Variants in AKAP9 observed in about 807,000 individuals in gnomAD.
AKAP9 encodes A-kinase anchoring protein 9.
Under a neutral mutation model 488.5 loss-of-function variants are expected in AKAP9, and 311 were observed. That is an observed-to-expected ratio of 0.64 (90% confidence interval 0.58 to 0.70). AKAP9 has a LOEUF of 0.70. AKAP9 is among the 30% of genes least tolerant of loss of function. AKAP9 has a pLI of 0.00. For missense variants in AKAP9, 4,215 were observed against 4,374.5 expected, an observed-to-expected ratio of 0.96 and a Z score of 1.03; for synonymous variants, 1,462 against 1,483.5, an observed-to-expected ratio of 0.99 and a Z score of 0.33.
chr7:92,014,209 A>G (rs758404785), intron 9 of AKAP9, 40 bp from the exon 10 acceptor site: 1 of 1,330,324 alleles, frequency 7.5e-7, no homozygotes, highest in Non-Finnish European at 1.1e-6. Context: ...GTTCTTAAGT[A>G]TGTAAATTGA....
intron 1 of AKAP9, among the ~76,000 whole-genome samples, chr7:91,952,056 C>A (rs1481958078): frequency 6.6e-6 from 1 of 152,122 alleles, no homozygotes; most frequent in Non-Finnish European, 1.5e-5. Context: ...TCTTAAAACA[C>A]CCTTTTCATT....
intron 1 of AKAP9, among the ~76,000 whole-genome samples, chr7:91,958,781 A>G (rs1274848602): frequency 6.6e-6 from 1 of 152,126 alleles, no homozygotes; most frequent in Non-Finnish European, 1.5e-5. Context: ...GTAAAACGTT[A>G]CTTAAATCTT....
intron 40 of AKAP9, 109 bp downstream of exon 40, chr7:92,095,282 G>A (rs982222951): frequency 4.0e-6 from 5 of 1,262,336 alleles, no homozygotes; most frequent in Non-Finnish European, 5.7e-6. Flanking sequence ...AATAAGATAT[G>A]GTAAGTTGTT....
intron 40 of AKAP9, among the ~76,000 whole-genome samples, chr7:92,096,380 G>A (rs112060331): frequency 1.4e-5 from 2 of 140,944 alleles, no homozygotes; most frequent in Non-Finnish European, 3.0e-5. Flanking sequence ...TGTTGCTCAC[G>A]CTGGAGGGCA....
At position 92,085,617 on chromosome 7, in the gene AKAP9, A is replaced by G. The variant is rs1466761413; in HGVS notation, c.8955A>G (p.Lys2985=). ...QVSEPWLEER[K]AYINTISSLK... ...CAGAACCTTGGCTAGAAGAGAGAAAAGCTTACATCAATACAATCTCATCTC... is the reference window on the plus strand; with the variant it reads ...CAGAACCTTGGCTAGAAGAGAGAAAGGCTTACATCAATACAATCTCATCTC... The change falls in exon 36 of 50, where the codon AAA becomes AAG. Residue 2985 remains lysine, a synonymous_variant. Transcript: ENST00000356239. The G allele has an allele frequency of 6.2e-7, 1 of 1,613,878 alleles. No individual in the cohort carries two copies.
At chr7:92,022,692 T>C (rs1802488417) in intron 13 of AKAP9, 122 bp from the exon 14 acceptor site, 2 of 695,206 alleles carry the variant, frequency 2.9e-6, no homozygotes, top group Admixed American at 2.8e-5. Flanking sequence ...AAACCAGAGT[T>C]ATTACCACTA....
intron 12 of AKAP9, among the ~76,000 whole-genome samples, chr7:92,022,005 A>G (rs1802388757): frequency 1.3e-5 from 2 of 152,336 alleles, no homozygotes; most frequent in Non-Finnish European, 2.9e-5. Context: ...ACTTCCTTTC[A>G]GATATCAAAG....
At chr7:92,105,893 G>A (rs1220458807) in intron 47 of AKAP9, 130 bp downstream of exon 47, 8 of 806,688 alleles carry the variant, frequency 9.9e-6, no homozygotes, top group African/African-American at 3.4e-5. Flanking sequence ...GGTGAGCAGC[G>A]GGCATTACTG....
chr7:92,024,831 G>A (rs541824978), intron 14 of AKAP9, among the ~76,000 whole-genome samples: 6 of 152,196 alleles, frequency 3.9e-5, no homozygotes, highest in African/African-American at 1.4e-4. Flanking sequence ...CTGAATGTCT[G>A]CTTGTTTGGA....
At chr7:91,985,795 G>A (rs1006239203) in intron 3 of AKAP9, among the ~76,000 whole-genome samples, 6 of 152,012 alleles carry the variant, frequency 3.9e-5, no homozygotes, top group South Asian at 2.1e-4. Flanking sequence ...CTACAGGCGC[G>A]TGCCACCATA....
rs1167465422 is a variant in AKAP9 at position 92,017,065 on chromosome 7, A to G, written c.3800A>G (p.Tyr1267Cys). 3 of 1,592,110 alleles carry G rather than the reference A, an allele frequency of 1.9e-6. No homozygotes were observed. Among genetic ancestry groups the G allele is most frequent in the Non-Finnish European group, 2.6e-6 (3 of 1,164,470 alleles). The stretch of plus-strand genomic sequence containing the variant: ...CTTCTCAACAAAGTAACAGAAGAAT[A>G]CAACAAACTCTTGGTACTTCAAACA... ...HTLLNKVTEE[Y>C]NKLLVLQTRL... The change falls in exon 12 of 50, where the codon TAC (tyrosine) becomes TGC (cysteine). Residue 1267 changes from tyrosine to cysteine, a missense_variant. This residue lies in a region of AKAP9 where 2,361 missense variants were observed against 2,430.0 expected (regional missense o/e 0.97). Transcript: ENST00000356239.
intron 3 of AKAP9, among the ~76,000 whole-genome samples, chr7:91,987,960 T>C (rs1797305629): frequency 6.6e-6 from 1 of 152,044 alleles, no homozygotes; most frequent in Non-Finnish European, 1.5e-5. Flanking sequence ...TCACTGGAGC[T>C]CAGGAGTTCG....
chr7:91,959,589 A>T (rs1467025688), intron 1 of AKAP9, among the ~76,000 whole-genome samples: 1 of 152,192 alleles, frequency 6.6e-6, no homozygotes, highest in African/African-American at 2.4e-5. Flanking sequence ...TTTTTGAAAC[A>T]TTATTTTCCA....
Position 92,070,914 on chromosome 7 carries a change from C to G in AKAP9, c.6517C>G (p.Arg2173Gly), listed in dbSNP as rs773455040. The G allele has an allele frequency of 6.2e-7, 1 of 1,611,916 alleles. No homozygotes were observed. ...TTTTATATATTTAAAGGTAGAGGAC[C>G]GAAAACACTTTGGAGCTGTAGAAGC... ...SADTFQKVEDRKHFGAVEAKP... is the reference protein window; with the variant it reads ...SADTFQKVEDGKHFGAVEAKP... Residue 2173 changes from arginine to glycine, a missense_variant, in exon 28 of 50, where the codon CGA (arginine) becomes GGA (glycine). Physicochemically the swap from Arg to Gly is moderately radical, Grantham distance 125. This residue lies in a region of AKAP9 where 2,361 missense variants were observed against 2,430.0 expected (regional missense o/e 0.97). Coordinates refer to ENST00000356239, the MANE Select transcript of AKAP9 (RefSeq NM_005751.5).
At chr7:92,029,105 A>G (rs981390988) in intron 14 of AKAP9, among the ~76,000 whole-genome samples, 1 of 151,784 alleles carries the variant, frequency 6.6e-6, no homozygotes, top group African/African-American at 2.4e-5. Context: ...AGAAATGAAA[A>G]TTATAATTTG....
intron 17 of AKAP9, among the ~76,000 whole-genome samples, chr7:92,040,446 G>C (rs1168891982): frequency 6.6e-6 from 1 of 151,864 alleles, no homozygotes; most frequent in African/African-American, 2.4e-5. Flanking sequence ...ATAAATAGCT[G>C]TTTTGCTTTT....
At chr7:91,951,311 AT>A (rs1277211240) in intron 1 of AKAP9, among the ~76,000 whole-genome samples, 1 of 148,938 alleles carries the variant, frequency 6.7e-6, no homozygotes, top group African/African-American at 2.5e-5. Context: ...ATTTTCTTTT[AT>A]TTCTCTTTTT....
In AKAP9 at chr7:92,022,405, A is replaced by T. The variant is rs1350506350; in HGVS notation, c.3952+53A>T. Reference sequence around the variant, plus strand: ...GGTGTTTTTATAGCAAATATTGAGTAATTTGCTTTTTTACTTTAAAATGTG... The same window carrying T: ...GGTGTTTTTATAGCAAATATTGAGTTATTTGCTTTTTTACTTTAAAATGTG... On this transcript the variant is annotated intron_variant, in intron 13 of 49. Transcript: ENST00000356239. The T allele has an allele frequency of 9.2e-6, 12 of 1,303,946 alleles. No individual in the cohort carries two copies. In the East Asian group the frequency reaches 2.8e-4, roughly 30 times the overall value. The allele number at this position is 1,303,946 out of a possible 1,614,324, so 80.8% of individuals were successfully genotyped here.
intron 7 of AKAP9, among the ~76,000 whole-genome samples, chr7:91,999,052 A>G (rs759624500): frequency 6.6e-6 from 1 of 152,162 alleles, no homozygotes; most frequent in Non-Finnish European, 1.5e-5. Flanking sequence ...GCACAAGCTG[A>G]TAGAATTTTG....
Sources: allele counts gnomAD v4.1 joint callset (sites outside exome capture counted in the v4.1 genomes callset), GRCh38; gene constraint gnomAD v4.1.1; regional missense constraint gnomAD v4.1.1; transcripts MANE v1.5; gene names NCBI Gene and HGNC (gene_info 2026-07-23, HGNC 2026-07-21).